Variants in BST1 observed in about 807,000 individuals in gnomAD.
BST1 encodes ADP-ribosyl cyclase/cyclic ADP-ribose hydrolase 2.
A neutral mutation model predicts 40.6 loss-of-function variants in BST1; 49 were observed. The ratio of observed to expected loss-of-function variants is 1.21; its 90% CI spans 0.96 to 1.53. The LOEUF (loss-of-function observed/expected upper bound fraction) is 1.53. Ranked by LOEUF, BST1 falls within the 40% of genes most tolerant of loss-of-function variation. The probability of loss-of-function intolerance (pLI) is 0.00; values close to 1 mark genes in which losing one functional copy is unlikely to be tolerated. For synonymous variants in BST1, 157 were observed against 159.3 expected (o/e 0.99, Z 0.11); for missense variants, 423 against 395.9 (o/e 1.07, Z -0.58).
chr4:15,731,496 T>TG, intron 8 of BST1: 1 of 1,004,128 alleles, frequency 1.0e-6, no homozygotes, highest in South Asian at 1.3e-5. Flanking sequence ...CTTGTCCTTC[T>TG]GGGGAGTCAT....
At position 15,737,839 on chromosome 4, in the gene BST1, A is replaced by T. The variant is rs73798701; in HGVS notation, c.*65A>T. On this transcript the variant is annotated 3_prime_UTR_variant, in exon 7 of 7. Transcript: ENST00000514445. ...ATACTGACTGTCAGAGAGTCCAAAG[A>T]TGTAAATGCCTTCCACTCCCACAGC... 7,749 of 1,283,542 alleles carry T rather than the reference A, an allele frequency of 6.0e-3. 315 individuals carry two copies. In the African/African-American group the frequency reaches 0.09, roughly 15 times the overall value. The allele number at this position is 1,283,542 out of a possible 1,614,324, so 79.5% of individuals were successfully genotyped here.
At chr4:15,745,291 T>C in the BST1 span, among the ~76,000 whole-genome samples, 5 of 152,230 alleles carry the variant, frequency 3.3e-5, no homozygotes, top group Non-Finnish European at 7.3e-5. Context: ...ATGACACCAA[T>C]ATTTTCTTGC....
At chr4:15,703,392 G>A (rs1719656494) in intron 1 of BST1, 60 bp downstream of exon 1, 2 of 1,472,472 alleles carry the variant, frequency 1.4e-6, no homozygotes, top group Admixed American at 2.7e-5. Context: ...GGAGGGCCTG[G>A]GGAGGGGAAA....
At chr4:15,743,997 G>A in the BST1 span, among the ~76,000 whole-genome samples, 1 of 152,192 alleles carries the variant, frequency 6.6e-6, no homozygotes, top group Non-Finnish European at 1.5e-5. Flanking sequence ...TGCTCCCTCT[G>A]CATTAGAGTC....
downstream of BST1, chr4:15,736,254 T>A: frequency 1.8e-6 from 1 of 564,410 alleles, no homozygotes; most frequent in East Asian, 7.8e-5. Context: ...GGGTCCTGAG[T>A]GCATCGTCCT....
intron 3 of BST1, among the ~76,000 whole-genome samples, chr4:15,707,855 C>A (rs11942425): frequency 0.015 from 1,921 of 128,546 alleles, 22 homozygotes; most frequent in African/African-American, 0.021. Flanking sequence ...CTCTCTCTCT[C>A]TATATATATA....
downstream of BST1, chr4:15,736,205 C>T (rs1469475715): frequency 2.7e-6 from 3 of 1,106,098 alleles, no homozygotes; most frequent in African/African-American, 4.9e-5. Flanking sequence ...CTCCTTCAGC[C>T]TAACTTCCAC....
At chr4:15,757,437 T>A in the BST1 span, among the ~76,000 whole-genome samples, 4 of 152,052 alleles carry the variant, frequency 2.6e-5, 1 homozygote, top group Admixed American at 2.6e-4. Context: ...ACTGTCCTAG[T>A]CCTGTGACCT....
the BST1 span, among the ~76,000 whole-genome samples, chr4:15,765,819 T>C: frequency 1.3e-5 from 2 of 151,976 alleles, no homozygotes; most frequent in Non-Finnish European, 2.9e-5. Context: ...CTTTATCCTG[T>C]TCCCTGCTGA....
the BST1 span, among the ~76,000 whole-genome samples, chr4:15,761,448 A>G: frequency 6.6e-6 from 1 of 152,028 alleles, no homozygotes; most frequent in East Asian, 1.9e-4. Context: ...TGTATACCAT[A>G]ATACAGGGAA....
downstream of BST1, among the ~76,000 whole-genome samples, chr4:15,737,172 A>G (rs4698119): frequency 0.7 from 106,075 of 152,046 alleles, 37,324 homozygotes; most frequent in African/African-American, 0.76. Flanking sequence ...AGTATAGTAG[A>G]TCAGCCCTGT....
intron 7 of BST1, among the ~76,000 whole-genome samples, chr4:15,722,592 A>T (rs1296307818): frequency 2.4e-3 from 284 of 120,266 alleles, no homozygotes; most frequent in Non-Finnish European, 3.2e-3. Context: ...TAATTTTTAG[A>T]TTTTTTTTTT....
At chr4:15,743,517 C>G in the BST1 span, 2 of 342,340 alleles carry the variant, frequency 5.8e-6, no homozygotes, top group East Asian at 1.8e-4. Context: ...AAAATCCTAC[C>G]TAGAGCAGAA....
intron 7 of BST1, among the ~76,000 whole-genome samples, chr4:15,720,549 C>T (rs750923707): frequency 6.0e-4 from 90 of 150,020 alleles, no homozygotes; most frequent in Non-Finnish European, 9.9e-4. Flanking sequence ...GCAGAGGTTC[C>T]AGTGAGCCAG....
chr4:15,748,892 C>T, the BST1 span, among the ~76,000 whole-genome samples: 1 of 152,140 alleles, frequency 6.6e-6, no homozygotes, highest in South Asian at 2.1e-4. Context: ...TCTCTTTCTT[C>T]CATCATAGCT....
At chr4:15,754,103 T>C in the BST1 span, among the ~76,000 whole-genome samples, 22 of 152,296 alleles carry the variant, frequency 1.4e-4, no homozygotes, top group East Asian at 4.1e-3. Context: ...CCACAGCTTC[T>C]TCGTGTGTAT....
At chr4:15,724,798 A>G (rs35016714) in intron 8 of BST1, among the ~76,000 whole-genome samples, 15,825 of 152,222 alleles carry the variant, frequency 0.1, 1,643 homozygotes, top group East Asian at 0.26. Flanking sequence ...ATTTAGTAAT[A>G]GAACCCTTGA....
At chr4:15,709,560 G>C (rs1720072376) in intron 3 of BST1, among the ~76,000 whole-genome samples, 2 of 152,162 alleles carry the variant, frequency 1.3e-5, no homozygotes, top group Non-Finnish European at 2.9e-5. Context: ...GGGGAGGAAT[G>C]TGATGAAAAA....
chr4:15,747,968 T>A, the BST1 span, among the ~76,000 whole-genome samples: 1 of 152,226 alleles, frequency 6.6e-6, no homozygotes, highest in Non-Finnish European at 1.5e-5. Context: ...TGAGCCACTG[T>A]GTCCAGCCAA....
Sources: allele counts gnomAD v4.1 joint callset (sites outside exome capture counted in the v4.1 genomes callset), GRCh38; gene constraint gnomAD v4.1.1; transcripts MANE v1.5; gene names NCBI Gene and HGNC (gene_info 2026-07-23, HGNC 2026-07-21).